Variants in CHLSN observed in about 807,000 individuals in gnomAD.
The protein encoded by CHLSN is cholesin, also known as protein cholesin.
the CHLSN span, among the ~76,000 whole-genome samples, chr7:1,046,342 T>C: frequency 6.6e-6 from 1 of 152,180 alleles, no homozygotes; most frequent in African/African-American, 2.4e-5. Context: ...CGGCCGACCG[T>C]GTCATGCACA....
At chr7:1,136,371 T>TATATAAACATATAAATATATATAAAC in the CHLSN span, among the ~76,000 whole-genome samples, 1 of 77,342 alleles carries the variant, frequency 1.3e-5, no homozygotes, top group Non-Finnish European at 2.3e-5. Flanking sequence ...TATATATAAA[T>TATATAAACATATAAATATATATAAAC]ATATATAAAT....
chr7:1,130,094 G>A, the CHLSN span, among the ~76,000 whole-genome samples: 1 of 152,284 alleles, frequency 6.6e-6, no homozygotes, highest in East Asian at 1.9e-4. Flanking sequence ...TCTCCTCTGA[G>A]TGGGCAAGGA....
At chr7:1,000,241 T>C in the CHLSN span, among the ~76,000 whole-genome samples, 2 of 152,028 alleles carry the variant, frequency 1.3e-5, no homozygotes, top group Non-Finnish European at 1.5e-5. Flanking sequence ...ACAGGAGACG[T>C]GCCTGCCCCG....
At chr7:1,127,479 AT>A in the CHLSN span, 1 of 1,168,354 alleles carries the variant, frequency 8.6e-7, no homozygotes, top group Non-Finnish European at 1.2e-6. Flanking sequence ...GCACTCTCCC[AT>A]TAAAAAAAAA....
chr7:1,061,420 T>C, the CHLSN span, among the ~76,000 whole-genome samples: 1 of 151,090 alleles, frequency 6.6e-6, no homozygotes, highest in African/African-American at 2.4e-5. Context: ...ACCCAGCGAG[T>C]CCCCTCCTCA....
chr7:1,078,927 G>T, the CHLSN span, among the ~76,000 whole-genome samples: 1 of 67,800 alleles, frequency 1.5e-5, no homozygotes, highest in Admixed American at 1.7e-4. Context: ...CACCCCAGCG[G>T]GTCAGGGCTC....
chr7:1,028,195 G>A, the CHLSN span: 3 of 985,850 alleles, frequency 3.0e-6, no homozygotes, highest in Non-Finnish European at 3.7e-6. Flanking sequence ...GGCGGGGCTG[G>A]GGCAGGGCCC....
the CHLSN span, among the ~76,000 whole-genome samples, chr7:1,013,907 G>A: frequency 6.6e-6 from 1 of 152,220 alleles, no homozygotes; most frequent in Non-Finnish European, 1.5e-5. Flanking sequence ...ATGTCTTGAG[G>A]ATTACATTTG....
At chr7:1,015,839 G>A in the CHLSN span, among the ~76,000 whole-genome samples, 24 of 152,222 alleles carry the variant, frequency 1.6e-4, no homozygotes, top group Non-Finnish European at 3.1e-4. Flanking sequence ...GAGGCCAAAG[G>A]TCATCGAGTG....
At chr7:1,065,293 C>A in the CHLSN span, among the ~76,000 whole-genome samples, 1 of 152,238 alleles carries the variant, frequency 6.6e-6, no homozygotes, top group Non-Finnish European at 1.5e-5. Context: ...TAACATCTGT[C>A]CCCGCTGTCC....
chr7:1,015,204 G>T, the CHLSN span, among the ~76,000 whole-genome samples: 24,133 of 152,156 alleles, frequency 0.16, 2,059 homozygotes, highest in Admixed American at 0.22. Context: ...TGTTTGGGGG[G>T]GCTGAGGGGT....
chr7:1,019,721 G>A, the CHLSN span, among the ~76,000 whole-genome samples: 30,207 of 152,200 alleles, frequency 0.2, 3,083 homozygotes, highest in East Asian at 0.26. Flanking sequence ...GCTTCCAGAT[G>A]GGCAGAGGCG....
chr7:1,016,853 C>G, the CHLSN span, among the ~76,000 whole-genome samples: 2 of 94,066 alleles, frequency 2.1e-5, no homozygotes, highest in Admixed American at 1.2e-4. Flanking sequence ...CAGCACACAG[C>G]AGCACACAGC....
At chr7:1,039,630 T>G in the CHLSN span, among the ~76,000 whole-genome samples, 5 of 63,832 alleles carry the variant, frequency 7.8e-5, no homozygotes, top group Admixed American at 1.5e-4. Flanking sequence ...TACTGGGAAG[T>G]GAGGAGCCCC....
the CHLSN span, among the ~76,000 whole-genome samples, chr7:1,059,694 G>A: frequency 2.1e-5 from 3 of 144,962 alleles, no homozygotes; most frequent in Admixed American, 6.8e-5. Context: ...TAGTGGGGCG[G>A]GTCTGTAGTG....
chr7:1,130,532 T>A, the CHLSN span, among the ~76,000 whole-genome samples: 2 of 151,772 alleles, frequency 1.3e-5, no homozygotes, highest in Non-Finnish European at 2.9e-5. Context: ...CATGCCCCTG[T>A]CCCCACCCCT....
the CHLSN span, among the ~76,000 whole-genome samples, chr7:1,022,065 C>T: frequency 2.0e-5 from 3 of 152,222 alleles, no homozygotes; most frequent in East Asian, 5.8e-4. Context: ...TGTCCTGGAG[C>T]ACTCGAGGCC....
At chr7:1,027,688 G>C in the CHLSN span, among the ~76,000 whole-genome samples, 1 of 152,280 alleles carries the variant, frequency 6.6e-6, no homozygotes, top group Non-Finnish European at 1.5e-5. Flanking sequence ...CACCGCGCCA[G>C]TGGGGGCCGC....
the CHLSN span, among the ~76,000 whole-genome samples, chr7:1,136,521 T>G: frequency 3.3e-5 from 3 of 91,434 alleles, no homozygotes; most frequent in Non-Finnish European, 4.8e-5. Flanking sequence ...CATATATAAA[T>G]ATATATAAAC....
Sources: gnomAD v4.1 joint callset for allele counts (sites outside exome capture counted in the v4.1 genomes callset) on GRCh38, gnomAD v4.1.1 for gene constraint, MANE v1.5 for transcripts, NCBI Gene and HGNC (gene_info 2026-07-23, HGNC 2026-07-21) for gene names.